The following TTC6 variants were observed in gnomAD, a reference collection of about 807,000 sequenced individuals.
TTC6 encodes the protein tetratricopeptide repeat protein 6.
TTC6 carries 172 observed loss-of-function variants against 210.4 expected under a neutral mutation model. The observed-to-expected ratio is 0.82, with a 90% CI of 0.72 to 0.93. The LOEUF (loss-of-function observed/expected upper bound fraction) is 0.93, where lower values mean the gene tolerates loss of function less well. Among genes scored for constraint, TTC6 ranks in the 40% least tolerant of loss-of-function variants. The pLI is 0.00. For missense variants in TTC6, 2,414 were observed against 2,318.1 expected, an observed-to-expected ratio of 1.04 and a Z score of -0.85; for synonymous variants, 804 against 819.6, an observed-to-expected ratio of 0.98 and a Z score of 0.32.
At chr14:37,638,224 A>G (rs2095684823) in intron 1 of TTC6, among the ~76,000 whole-genome samples, 1 of 152,170 alleles carries the variant, frequency 6.6e-6, no homozygotes, top group African/African-American at 2.4e-5. Context: ...ATACTTTATG[A>G]TTACATTTAT....
chr14:37,723,871 A>T (rs2095866540), intron 6 of TTC6, among the ~76,000 whole-genome samples: 1 of 152,174 alleles, frequency 6.6e-6, no homozygotes, highest in Non-Finnish European at 1.5e-5. Flanking sequence ...TAAAGGAGAG[A>T]TCACGCATAT....
intron 3 of TTC6, among the ~76,000 whole-genome samples, chr14:37,693,583 A>G (rs1164685080): frequency 6.6e-6 from 1 of 152,104 alleles, no homozygotes; most frequent in Non-Finnish European, 1.5e-5. Context: ...AAACAAAAAC[A>G]AAAACCATAC....
intron 1 of TTC6, among the ~76,000 whole-genome samples, chr14:37,676,704 A>G (rs952159308): frequency 1.3e-5 from 2 of 152,112 alleles, no homozygotes; most frequent in African/African-American, 2.4e-5. Context: ...TAGGTCTTAC[A>G]TTCAGGTATT....
intron 2 of TTC6, among the ~76,000 whole-genome samples, chr14:37,610,527 T>A (rs1302281021): frequency 1.3e-5 from 2 of 152,188 alleles, no homozygotes; most frequent in Non-Finnish European, 2.9e-5. Flanking sequence ...TGGTTTTTCT[T>A]TTTCTTTTTG....
chr14:37,601,603 G>C (rs2095615733), intron 1 of TTC6, among the ~76,000 whole-genome samples: 1 of 152,194 alleles, frequency 6.6e-6, no homozygotes, highest in South Asian at 2.1e-4. Flanking sequence ...GTGAAGAATT[G>C]GATGGGAAAG....
At chr14:37,731,029 C>G (rs978109838) in intron 7 of TTC6, among the ~76,000 whole-genome samples, 2 of 152,130 alleles carry the variant, frequency 1.3e-5, no homozygotes, top group Admixed American at 6.5e-5. Flanking sequence ...TAAACATGTA[C>G]AGTAGATTCT....
upstream of TTC6, among the ~76,000 whole-genome samples, chr14:37,619,847 C>T (rs2095648518): frequency 6.6e-6 from 1 of 151,696 alleles, no homozygotes; most frequent in East Asian, 1.9e-4. Flanking sequence ...TTCAGAATTA[C>T]CTTTCAAAGT....
At chr14:37,670,474 C>CCCTTTTTTTTT in intron 1 of TTC6, among the ~76,000 whole-genome samples, 1 of 121,326 alleles carries the variant, frequency 8.2e-6, no homozygotes. Context: ...AACTACCTCA[C>CCCTTTTTTTTT]TTTTTTTTTT....
Position 37,599,854 on chromosome 14 carries a change from G to C in TTC6, c.-235+3846G>C, listed in dbSNP as rs547293543. Reference sequence around the variant, plus strand: ...GGAACCGATATGGCGACCCCGCCCAGACCTGGGTCCCCGCGGCCGCGCGCG... The same window carrying C: ...GGAACCGATATGGCGACCCCGCCCACACCTGGGTCCCCGCGGCCGCGCGCG... On this transcript the variant is annotated intron_variant, in intron 1 of 2. Coordinates refer to the TTC6 transcript ENST00000556845. 2.9e-4 allele frequency among the ~76,000 whole-genome samples: 44 copies of C among 152,264 alleles called. No homozygotes were observed. The South Asian group carries it at 8.9e-3, about 31-fold the overall frequency.
At chr14:37,787,397 T>C (rs974559630) in intron 14 of TTC6, 71 bp from the exon 17 acceptor site, 1 of 1,032,222 alleles carries the variant, frequency 9.7e-7, no homozygotes, top group African/African-American at 1.6e-5. Context: ...ATAAAATTAG[T>C]TGTACAGGTT....
chr14:37,785,133 A>G (rs2096064585), intron 14 of TTC6, among the ~76,000 whole-genome samples: 1 of 152,054 alleles, frequency 6.6e-6, no homozygotes, highest in Non-Finnish European at 1.5e-5. Context: ...TATCTTTGTG[A>G]CATTCTCTGT....
intron 15 of TTC6, among the ~76,000 whole-genome samples, chr14:37,790,187 T>C (rs930161222): frequency 1.3e-5 from 2 of 152,112 alleles, no homozygotes; most frequent in Admixed American, 1.3e-4. Context: ...CTCCAAGCTC[T>C]GTTTGCCTTG....
At chr14:37,767,925 T>C (rs2096004498) in intron 14 of TTC6, among the ~76,000 whole-genome samples, 1 of 145,630 alleles carries the variant, frequency 6.9e-6, no homozygotes, top group African/African-American at 2.5e-5. Context: ...ACGGTTTTTA[T>C]GGTTTTAGGT....
intron 1 of TTC6, among the ~76,000 whole-genome samples, chr14:37,647,723 A>G (rs1364507768): frequency 1.3e-5 from 2 of 152,060 alleles, no homozygotes; most frequent in African/African-American, 2.4e-5. Context: ...ATCAGATGGT[A>G]TTTGAATTCA....
At position 37,812,225 on chromosome 14, in the gene TTC6, G is replaced by A. The variant is rs541429403; in HGVS notation, c.4570-89G>A. The A allele has an allele frequency of 2.0e-5, 27 of 1,331,690 alleles. No homozygotes were observed. In the South Asian group the frequency reaches 2.2e-4, roughly 11 times the overall value. The allele number at this position is 1,331,690 out of a possible 1,614,324, so 82.5% of individuals were successfully genotyped here. A position where few individuals can be genotyped will look rare whatever the true frequency, so the allele number is the denominator to read the frequency against. On this transcript the variant is annotated intron_variant, in intron 24 of 30. Coordinates refer to ENST00000553443, the Ensembl canonical transcript of TTC6. ...AACAAATTGAAGAACTAACCATTGG[G>A]TCCTAGTTTGGACATAAATACGTTT... is the stretch of plus-strand genomic sequence containing the variant.
chr14:37,757,205 T>A (rs2095970667), intron 14 of TTC6, among the ~76,000 whole-genome samples: 1 of 151,984 alleles, frequency 6.6e-6, no homozygotes. Context: ...CCTTTATCAT[T>A]TTTTATTGTG....
Position 37,635,066 on chromosome 14 carries a change from T to A in TTC6, c.939+12063T>A, listed in dbSNP as rs568085082. Among the ~76,000 whole-genome samples, 5 of 152,300 alleles carry A rather than the reference T, an allele frequency of 3.3e-5. No individual in the cohort carries two copies. In the South Asian group the frequency reaches 1.0e-3, roughly 32 times the overall value. ...CAAAACTATGGCTACATACAATAGA[T>A]TTTCCTTCTCCTCTTGCGTTTTCTA... is the stretch of plus-strand genomic sequence containing the variant. On this transcript the variant is annotated intron_variant, in intron 1 of 30. Transcript: ENST00000553443.
chr14:37,761,339 C>A (rs1433806209), intron 14 of TTC6, among the ~76,000 whole-genome samples: 1 of 151,910 alleles, frequency 6.6e-6, no homozygotes, highest in African/African-American at 2.4e-5. Context: ...CACTGCCTAA[C>A]CAGTCCCGAT....
chr14:37,619,545 CA>C (rs1014067948), upstream of TTC6, among the ~76,000 whole-genome samples: 19 of 152,054 alleles, frequency 1.2e-4, no homozygotes, highest in Non-Finnish European at 1.8e-4. Flanking sequence ...TGAAATACAC[CA>C]AAAAATTGCA....
Sources: gnomAD v4.1 joint callset for allele counts (sites outside exome capture counted in the v4.1 genomes callset) on GRCh38, gnomAD v4.1.1 for gene constraint, MANE v1.5 for transcripts, NCBI Gene and HGNC (gene_info 2026-07-23, HGNC 2026-07-21) for gene names.